TMEM108: variants seen among roughly 807,000 people sequenced by gnomAD.
The protein encoded by TMEM108 is cancer/testis antigen 124.
TMEM108 carries 12 observed loss-of-function variants against 35.1 expected under a neutral mutation model. That is an observed-to-expected ratio of 0.34 (90% CI 0.22 to 0.55). The LOEUF is 0.55. Among genes scored for constraint, TMEM108 ranks in the 20% least tolerant of loss-of-function variants. The pLI is 0.89. For synonymous variants in TMEM108, 287 were observed against 308.6 expected, an observed-to-expected ratio of 0.93 and a Z score of 0.73; for missense variants, 680 against 753.3, an observed-to-expected ratio of 0.90 and a Z score of 1.14.
At chr3:133,220,988 CAT>C (rs1343549423) in intron 2 of TMEM108, among the ~76,000 whole-genome samples, 1 of 152,138 alleles carries the variant, frequency 6.6e-6, no homozygotes, top group African/African-American at 2.4e-5. Context: ...CAGATAAAGA[CAT>C]AAATAGTGTA....
chr3:133,070,378 A>C (rs1382283901), intron 2 of TMEM108, among the ~76,000 whole-genome samples: 1 of 152,104 alleles, frequency 6.6e-6, no homozygotes, highest in Admixed American at 6.6e-5. Flanking sequence ...AGGCAGTTCA[A>C]CTTTGGCACT....
chr3:133,233,284 G>A (rs1576399858), intron 3 of TMEM108, among the ~76,000 whole-genome samples: 2 of 152,086 alleles, frequency 1.3e-5, no homozygotes, highest in South Asian at 2.1e-4. Context: ...GTGAGAATAT[G>A]CAGTGTTTGG....
At chr3:133,114,115 A>G (rs1057145048) in intron 2 of TMEM108, among the ~76,000 whole-genome samples, 11 of 152,274 alleles carry the variant, frequency 7.2e-5, no homozygotes, top group African/African-American at 2.4e-4. Context: ...TTGTCTTCCA[A>G]TTAGAGGGGC....
intron 2 of TMEM108, among the ~76,000 whole-genome samples, chr3:133,082,431 C>T (rs552460953): frequency 6.6e-6 from 1 of 152,260 alleles, no homozygotes; most frequent in South Asian, 2.1e-4. Context: ...AACGTCCTTT[C>T]CCTGCTTCTT....
At chr3:133,041,525 C>A (rs558762434) in intron 1 of TMEM108, among the ~76,000 whole-genome samples, 1 of 152,180 alleles carries the variant, frequency 6.6e-6, no homozygotes, top group South Asian at 2.1e-4. Context: ...AGCCCTCAAA[C>A]GAAATCTCAA....
intron 3 of TMEM108, among the ~76,000 whole-genome samples, chr3:133,372,671 C>G (rs2072710390): frequency 6.6e-6 from 1 of 152,216 alleles, no homozygotes; most frequent in Non-Finnish European, 1.5e-5. Flanking sequence ...CCTCATCAGT[C>G]TAGCTGTTGA....
intron 3 of TMEM108, among the ~76,000 whole-genome samples, chr3:133,293,382 G>T (rs546417922): frequency 6.7e-6 from 1 of 150,310 alleles, no homozygotes; most frequent in East Asian, 2.0e-4. Flanking sequence ...CACATAGTAA[G>T]CCCTTGACAA....
At chr3:133,122,862 C>CAAA (rs11375073) in intron 2 of TMEM108, among the ~76,000 whole-genome samples, 94 of 104,332 alleles carry the variant, frequency 9.0e-4, no homozygotes, top group Admixed American at 3.7e-3. Flanking sequence ...GACTCCATCT[C>CAAA]AAAAAAAAAA....
intron 2 of TMEM108, among the ~76,000 whole-genome samples, chr3:133,116,252 A>C (rs936361255): frequency 2.0e-5 from 3 of 152,206 alleles, no homozygotes; most frequent in African/African-American, 7.2e-5. Flanking sequence ...TCTTCCACCC[A>C]AGAATCACAG....
In TMEM108 at chr3:133,300,991, C is replaced by CGT. The variant is rs1468588893; in HGVS notation, c.40+71640_40+71641insGT. ...AGACCCCAGTACACACACACACACA[C>CGT]ACACACACACACACACACACACACA... is the stretch of plus-strand genomic sequence containing the variant. On this transcript the variant is annotated intron_variant, in intron 3 of 5. Transcript: ENST00000321871. Among the ~76,000 whole-genome samples, 95 of 37,000 alleles carry CGT rather than the reference C, an allele frequency of 2.6e-3. 1 individual carries two copies. The highest frequency in any genetic ancestry group is 7.2e-3 in the African/African-American group (86 of 12,012). 24.3% of individuals were successfully genotyped at this position (37,000 alleles called of 152,430 possible).
chr3:133,201,416 T>C (rs567774645), intron 2 of TMEM108, among the ~76,000 whole-genome samples: 11 of 152,246 alleles, frequency 7.2e-5, no homozygotes, highest in Non-Finnish European at 1.3e-4. Context: ...TCATCTACAG[T>C]AGGTATTTCT....
intron 3 of TMEM108, among the ~76,000 whole-genome samples, chr3:133,371,579 T>C (rs1419910273): frequency 8.5e-6 from 1 of 118,202 alleles, no homozygotes; most frequent in Admixed American, 1.3e-4. Context: ...ACCTTAGAAG[T>C]CAGGTAGCAT....
chr3:133,346,594 T>C lies in TMEM108; in HGVS notation c.41-33158T>C, dbSNP rs944902274. 6.6e-6 allele frequency among the ~76,000 whole-genome samples: 1 copy of C among 152,050 alleles called. No homozygotes were observed. The highest frequency in any genetic ancestry group is 1.5e-5 in the Non-Finnish European group (1 of 67,930). ...AATGTATGCAATTATTTTCTTCCAG[T>C]CGATGGCTTGTCTTTTATTCTTTGA... On this transcript the variant is annotated intron_variant, in intron 3 of 5. Coordinates refer to ENST00000321871, the MANE Select transcript of TMEM108 (RefSeq NM_023943.4). This position sits in a 1 kb window ranked among gnomAD's most constrained non-coding sequence, Gnocchi z 4.0.
intron 5 of TMEM108, among the ~76,000 whole-genome samples, chr3:133,390,732 A>G (rs559885721): frequency 1.2e-5 from 1 of 80,760 alleles, no homozygotes; most frequent in South Asian, 6.1e-4. Flanking sequence ...AACAAAGCCA[A>G]TTAGGGGAAA....
At chr3:133,260,409 C>G (rs1424041438) in intron 3 of TMEM108, among the ~76,000 whole-genome samples, 3 of 152,110 alleles carry the variant, frequency 2.0e-5, no homozygotes, top group African/African-American at 4.8e-5. Flanking sequence ...ATCTCAGAAT[C>G]GATGACATTA....
intron 3 of TMEM108, among the ~76,000 whole-genome samples, chr3:133,330,065 A>G (rs544412006): frequency 4.1e-4 from 62 of 152,346 alleles, no homozygotes; most frequent in African/African-American, 1.5e-3. Flanking sequence ...ACAGGAGGAA[A>G]AGGAACATTA....
Position 133,152,536 on chromosome 3 carries a change from T to C in TMEM108, c.-46-76730T>C, listed in dbSNP as rs145291316. Among the ~76,000 whole-genome samples, 290 of 152,310 alleles carry C rather than the reference T, an allele frequency of 1.9e-3. 6 individuals carry two copies. The highest frequency in any genetic ancestry group is 4.4e-3 in the East Asian group (23 of 5,172). Reference sequence around the variant, plus strand: ...AAATTGTCGTCATCTATTTGGGTTATGCCTTTGTCACATGACCCCTGTATA... The same window carrying C: ...AAATTGTCGTCATCTATTTGGGTTACGCCTTTGTCACATGACCCCTGTATA... On this transcript the variant is annotated intron_variant, in intron 2 of 5. Coordinates refer to ENST00000321871, the MANE Select transcript of TMEM108 (RefSeq NM_023943.4).
intron 2 of TMEM108, among the ~76,000 whole-genome samples, chr3:133,215,830 C>A (rs114746048): frequency 6.6e-6 from 1 of 151,884 alleles, no homozygotes; most frequent in African/African-American, 2.4e-5. Context: ...ATTTAAGTTG[C>A]GGTATGGTGT....
chr3:133,157,950 C>G (rs1200702590), intron 2 of TMEM108, among the ~76,000 whole-genome samples: 13 of 152,160 alleles, frequency 8.5e-5, no homozygotes, highest in Admixed American at 8.5e-4. Flanking sequence ...CTTTTGAGTG[C>G]TTAGTCTCTT....
Sources: allele counts gnomAD v4.1 joint callset (sites outside exome capture counted in the v4.1 genomes callset), GRCh38; gene constraint gnomAD v4.1.1; non-coding constraint Gnocchi (gnomAD v3.1); transcripts MANE v1.5; gene names NCBI Gene and HGNC (gene_info 2026-07-23, HGNC 2026-07-21).